UNC5D: variants seen among roughly 807,000 people sequenced by gnomAD.
UNC5D encodes unc-5 netrin receptor D.
A neutral mutation model predicts 105.4 loss-of-function variants in UNC5D; 39 were observed. The observed-to-expected ratio is 0.37, with a 90% CI of 0.29 to 0.48. The LOEUF is 0.48. Ranked by LOEUF, UNC5D falls within the 20% of genes least tolerant of loss-of-function variation. The pLI is 0.98. For missense variants in UNC5D, 991 were observed against 1,202.4 expected, an observed-to-expected ratio of 0.82 and a Z score of 2.60; for synonymous variants, 452 against 450.4, an observed-to-expected ratio of 1.00 and a Z score of -0.04.
At chr8:35,610,247 TC>T (rs1480998173) in intron 4 of UNC5D, among the ~76,000 whole-genome samples, 1 of 152,126 alleles carries the variant, frequency 6.6e-6, no homozygotes, top group African/African-American at 2.4e-5. Flanking sequence ...GCTCGATCTG[TC>T]CTTTCTCTAA....
chr8:35,693,828 A>G (rs1826574452), intron 7 of UNC5D, among the ~76,000 whole-genome samples: 1 of 152,136 alleles, frequency 6.6e-6, no homozygotes, highest in Non-Finnish European at 1.5e-5. Flanking sequence ...CTTCAGAAAC[A>G]TAATCTCTGG....
At chr8:35,341,493 TA>T (rs1202502448) in intron 1 of UNC5D, among the ~76,000 whole-genome samples, 4 of 151,964 alleles carry the variant, frequency 2.6e-5, no homozygotes, top group Non-Finnish European at 4.4e-5. Context: ...GTGACAAATT[TA>T]AAATTGATTG....
At chr8:35,746,644 G>A (rs959776302) in intron 11 of UNC5D, among the ~76,000 whole-genome samples, 2 of 152,108 alleles carry the variant, frequency 1.3e-5, no homozygotes, top group Admixed American at 6.5e-5. Context: ...TATTCACAAC[G>A]AGTGTGAGAG....
chr8:35,622,728 A>G (rs1486159178), intron 4 of UNC5D, among the ~76,000 whole-genome samples: 1 of 152,164 alleles, frequency 6.6e-6, no homozygotes, highest in Non-Finnish European at 1.5e-5. Context: ...GTGTGGAAAA[A>G]TAGTTCTGCT....
chr8:35,722,504 G>A (rs2131538177), intron 9 of UNC5D, 109 bp downstream of exon 9: 1 of 1,398,202 alleles, frequency 7.2e-7, no homozygotes, highest in East Asian at 2.4e-5. Context: ...TTGGCACTGG[G>A]AGCCGCTACC....
chr8:35,448,993 C>A (rs1471157118), intron 1 of UNC5D, among the ~76,000 whole-genome samples: 1 of 151,956 alleles, frequency 6.6e-6, no homozygotes, highest in African/African-American at 2.4e-5. Flanking sequence ...GGGCAAGAAC[C>A]AAATCTGTTG....
intron 4 of UNC5D, among the ~76,000 whole-genome samples, chr8:35,649,467 G>T (rs527804529): frequency 3.9e-5 from 6 of 152,176 alleles, no homozygotes; most frequent in Non-Finnish European, 8.8e-5. Context: ...TATCCAATGA[G>T]AATTTTACTT....
intron 1 of UNC5D, among the ~76,000 whole-genome samples, chr8:35,391,678 T>C (rs559074808): frequency 6.6e-6 from 1 of 152,284 alleles, no homozygotes; most frequent in East Asian, 1.9e-4. Flanking sequence ...TGAGTTTTCA[T>C]AGCCTCTCAA....
intron 15 of UNC5D, among the ~76,000 whole-genome samples, chr8:35,772,505 A>G (rs1314045040): frequency 1.3e-5 from 2 of 152,148 alleles, no homozygotes; most frequent in Non-Finnish European, 2.9e-5. Flanking sequence ...ACATTTAACA[A>G]TTGGAAGAGG....
At chr8:35,382,884 A>G (rs1157668365) in intron 1 of UNC5D, among the ~76,000 whole-genome samples, 1 of 152,070 alleles carries the variant, frequency 6.6e-6, no homozygotes, top group Non-Finnish European at 1.5e-5. Flanking sequence ...TAGTTTATGG[A>G]TATTACCTAC....
chr8:35,637,779 G>A (rs531366538), intron 4 of UNC5D, among the ~76,000 whole-genome samples: 2 of 152,300 alleles, frequency 1.3e-5, no homozygotes, highest in African/African-American at 4.8e-5. Context: ...CATTTCCAAA[G>A]AGAGGACTTC....
chr8:35,393,218 C>A (rs552808782), intron 1 of UNC5D, among the ~76,000 whole-genome samples: 1 of 146,164 alleles, frequency 6.8e-6, no homozygotes, highest in Non-Finnish European at 1.5e-5. Flanking sequence ...CTGCAGGCTC[C>A]GCCCCCTGGG....
At chr8:35,486,705 G>C (rs1810844963) in intron 1 of UNC5D, among the ~76,000 whole-genome samples, 1 of 152,166 alleles carries the variant, frequency 6.6e-6, no homozygotes, top group African/African-American at 2.4e-5. Flanking sequence ...AATGCAAAGT[G>C]AGTACATGCT....
intron 1 of UNC5D, chr8:35,544,438 C>T: frequency 6.2e-7 from 1 of 1,613,468 alleles, no homozygotes; most frequent in Non-Finnish European, 8.5e-7. Context: ...AATATGTTAT[C>T]TGGGGGTGGA....
chr8:35,454,231 A>C (rs1252334083), intron 1 of UNC5D, among the ~76,000 whole-genome samples: 1 of 152,132 alleles, frequency 6.6e-6, no homozygotes, highest in East Asian at 1.9e-4. Context: ...GGGAGGGGGA[A>C]GTTCCAGGTC....
intron 1 of UNC5D, among the ~76,000 whole-genome samples, chr8:35,309,276 G>A (rs1808686292): frequency 6.6e-6 from 1 of 152,146 alleles, no homozygotes. Context: ...TTGCAAAACA[G>A]AAGGCACTGC....
At chr8:35,553,954 C>T (rs1816349325) in intron 2 of UNC5D, among the ~76,000 whole-genome samples, 1 of 152,164 alleles carries the variant, frequency 6.6e-6, no homozygotes, top group Non-Finnish European at 1.5e-5. Flanking sequence ...AAAACTGTCC[C>T]TGGTTTTTTA....
intron 1 of UNC5D, among the ~76,000 whole-genome samples, chr8:35,528,050 T>TG (rs1471501032): frequency 1.3e-5 from 2 of 150,676 alleles, no homozygotes; most frequent in Non-Finnish European, 3.0e-5. Context: ...TTTTTTTTTT[T>TG]TTTTTTTTTT....
At position 35,419,775 on chromosome 8, in the gene UNC5D, A is replaced by C. The variant is rs535257162; in HGVS notation, c.104-129517A>C. ...GGATCACAGTGTTACTGGTCCTTTT[A>C]CACCCACCATTCAGCAGGCTCCAGG... On this transcript the variant is annotated intron_variant, in intron 1 of 16. Coordinates refer to ENST00000404895, the MANE Select transcript of UNC5D (RefSeq NM_080872.4). 4.6e-5 allele frequency among the ~76,000 whole-genome samples: 7 copies of C among 152,218 alleles called. No homozygotes were observed. In the South Asian group the frequency reaches 1.5e-3, roughly 32 times the overall value.
Sources: gnomAD v4.1 joint callset for allele counts (sites outside exome capture counted in the v4.1 genomes callset) on GRCh38, gnomAD v4.1.1 for gene constraint, MANE v1.5 for transcripts, NCBI Gene and HGNC (gene_info 2026-07-23, HGNC 2026-07-21) for gene names.